The following ADAMTSL1 variants were observed in gnomAD, a reference collection of about 807,000 sequenced individuals.
ADAMTSL1 encodes the protein ADAMTS like 1.
Under a neutral mutation model 201.8 loss-of-function variants are expected in ADAMTSL1, and 126 were observed. The observed-to-expected ratio is 0.62, with a 90% CI of 0.54 to 0.72. The LOEUF (loss-of-function observed/expected upper bound fraction) is 0.72, where lower values mean the gene tolerates loss of function less well. Among genes scored for constraint, ADAMTSL1 ranks in the 30% least tolerant of loss-of-function variants. ADAMTSL1 has a pLI of 0.00. For missense variants in ADAMTSL1, 2,679 were observed against 2,277.8 expected (o/e 1.18, Z -3.59); for synonymous variants, 1,121 against 903.4 (o/e 1.24, Z -4.32).
chr9:18,577,064 A>G (rs57107228), intron 4 of ADAMTSL1, among the ~76,000 whole-genome samples: 20,973 of 152,194 alleles, frequency 0.14, 1,625 homozygotes, highest in Middle Eastern at 0.2. Context: ...TAAAAGACAC[A>G]ACTCTTAAGA....
chr9:18,245,580 C>T (rs1831230807), intron 2 of ADAMTSL1, among the ~76,000 whole-genome samples: 1 of 152,022 alleles, frequency 6.6e-6, no homozygotes, highest in South Asian at 2.1e-4. Context: ...ACTGGGTAGT[C>T]CTTAGGTGTC....
chr9:18,758,856 C>T (rs1819912542), intron 16 of ADAMTSL1, among the ~76,000 whole-genome samples: 1 of 152,160 alleles, frequency 6.6e-6, no homozygotes, highest in African/African-American at 2.4e-5. Context: ...CACTTAGTCC[C>T]CACTAGCACA....
At chr9:18,755,496 C>A (rs1819699650) in intron 16 of ADAMTSL1, among the ~76,000 whole-genome samples, 1 of 152,168 alleles carries the variant, frequency 6.6e-6, no homozygotes, top group African/African-American at 2.4e-5. Flanking sequence ...GGTTATAGGT[C>A]TTAATATCGT....
intron 13 of ADAMTSL1, among the ~76,000 whole-genome samples, chr9:18,698,748 T>G (rs1438261174): frequency 6.6e-6 from 1 of 152,194 alleles, no homozygotes; most frequent in African/African-American, 2.4e-5. Flanking sequence ...CAATGGTCAA[T>G]TATTTTGAAT....
chr9:18,131,809 C>A (rs72699475), intron 1 of ADAMTSL1, among the ~76,000 whole-genome samples: 5,371 of 152,190 alleles, frequency 0.035, 133 homozygotes, highest in Non-Finnish European at 0.057. Context: ...CTAGTTCACT[C>A]TCTAGGTGAC....
chr9:18,745,001 A>G (rs982112431), intron 15 of ADAMTSL1, among the ~76,000 whole-genome samples: 12 of 152,196 alleles, frequency 7.9e-5, no homozygotes, highest in Admixed American at 2.0e-4. Flanking sequence ...GATGTGTCTC[A>G]TTACTGGTGA....
At chr9:18,712,835 A>C (rs563782453) in intron 14 of ADAMTSL1, among the ~76,000 whole-genome samples, 40 of 150,742 alleles carry the variant, frequency 2.7e-4, no homozygotes, top group African/African-American at 8.3e-4. Flanking sequence ...AAAAATGTTA[A>C]GGGCAGCCAG....
intron 2 of ADAMTSL1, among the ~76,000 whole-genome samples, chr9:18,213,976 A>G (rs1829974621): frequency 6.6e-6 from 1 of 152,114 alleles, no homozygotes; most frequent in Non-Finnish European, 1.5e-5. Flanking sequence ...ACCTCAGGCA[A>G]TCTACCCGCC....
At chr9:18,873,233 C>G (rs1017233544) in intron 23 of ADAMTSL1, among the ~76,000 whole-genome samples, 3 of 152,162 alleles carry the variant, frequency 2.0e-5, no homozygotes, top group Non-Finnish European at 4.4e-5. Context: ...TGAAGATTTT[C>G]TCCCACTCTG....
At chr9:18,502,112 G>C (rs1380562418) in intron 1 of ADAMTSL1, among the ~76,000 whole-genome samples, 1 of 152,208 alleles carries the variant, frequency 6.6e-6, no homozygotes, top group Non-Finnish European at 1.5e-5. Flanking sequence ...TGGCATTCGA[G>C]TGTTCTTATC....
intron 23 of ADAMTSL1, among the ~76,000 whole-genome samples, chr9:18,856,495 G>A (rs1232145512): frequency 1.6e-5 from 2 of 121,708 alleles, no homozygotes; most frequent in Non-Finnish European, 3.2e-5. Context: ...ACGGAGTCTC[G>A]CTCTGTCGCC....
chr9:18,351,126 T>A (rs1337999459), intron 2 of ADAMTSL1, among the ~76,000 whole-genome samples: 1 of 152,044 alleles, frequency 6.6e-6, no homozygotes, highest in African/African-American at 2.4e-5. Flanking sequence ...GGTTTTCTAG[T>A]TTGAAATGAA....
At chr9:18,812,944 G>A (rs1289493669) in intron 20 of ADAMTSL1, among the ~76,000 whole-genome samples, 2 of 150,082 alleles carry the variant, frequency 1.3e-5, no homozygotes, top group African/African-American at 2.5e-5. Flanking sequence ...AAAATTAGGT[G>A]GTGTGATGCT....
At chr9:18,556,204 GC>G (rs1390558896) in intron 3 of ADAMTSL1, among the ~76,000 whole-genome samples, 1 of 151,834 alleles carries the variant, frequency 6.6e-6, no homozygotes. Context: ...TCAATTATCT[GC>G]CCCTCTGCCT....
intron 4 of ADAMTSL1, among the ~76,000 whole-genome samples, chr9:18,611,019 A>G (rs11789724): frequency 0.062 from 9,411 of 152,242 alleles, 385 homozygotes; most frequent in Non-Finnish European, 0.092. Context: ...GACTTACTGA[A>G]CAGACACATT....
intron 2 of ADAMTSL1, among the ~76,000 whole-genome samples, chr9:18,313,088 A>T (rs1200657900): frequency 1.3e-5 from 2 of 152,214 alleles, no homozygotes; most frequent in African/African-American, 2.4e-5. Context: ...GTGGGTTGGA[A>T]TGACATGTGA....
At chr9:18,243,907 C>T (rs12335943) in intron 2 of ADAMTSL1, among the ~76,000 whole-genome samples, 6 of 151,620 alleles carry the variant, frequency 4.0e-5, no homozygotes, top group South Asian at 2.1e-4. Flanking sequence ...CAAGTGGTCA[C>T]GAATGCTTAG....
At position 18,474,342 on chromosome 9, in the gene ADAMTSL1, G is replaced by C. The variant is rs77805914; in HGVS notation, c.63+47G>C. On this transcript the variant is annotated intron_variant, in intron 1 of 28. Coordinates refer to ENST00000380548, the MANE Select transcript of ADAMTSL1 (RefSeq NM_001040272.6). ...TGCATTGCTATTGCCATTGAGTCTG[G>C]GTGCTGTTGGGGGTGTGTGTGTGTA... The C allele has an allele frequency of 4.0e-3, 6,432 of 1,590,968 alleles. 220 individuals carry two copies. The African/African-American group carries it at 0.075, about 19-fold the overall frequency.
intron 2 of ADAMTSL1, among the ~76,000 whole-genome samples, chr9:18,328,402 C>T (rs1563890132): frequency 6.6e-6 from 1 of 152,162 alleles, no homozygotes; most frequent in Non-Finnish European, 1.5e-5. Flanking sequence ...GTAACACCAA[C>T]CAGCATTTAT....
Sources: allele counts gnomAD v4.1 joint callset (sites outside exome capture counted in the v4.1 genomes callset), GRCh38; gene constraint gnomAD v4.1.1; transcripts MANE v1.5; gene names NCBI Gene and HGNC (gene_info 2026-07-23, HGNC 2026-07-21).